ERBB4: variants seen among roughly 807,000 people sequenced by gnomAD.
The protein encoded by ERBB4 is receptor tyrosine-protein kinase erbB-4.
A neutral mutation model predicts 158.0 loss-of-function variants in ERBB4; 42 were observed. The observed-to-expected ratio is 0.27, with a 90% CI of 0.21 to 0.34. The LOEUF is 0.34. Among genes scored for constraint, ERBB4 ranks in the 10% least tolerant of loss-of-function variants. The pLI is 1.00. For missense variants in ERBB4, 1,333 were observed against 1,624.1 expected (o/e 0.82, Z 3.08); for synonymous variants, 583 against 558.7 (o/e 1.04, Z -0.61).
intron 19 of ERBB4, among the ~76,000 whole-genome samples, chr2:211,569,986 T>C (rs1422747673): frequency 6.6e-6 from 1 of 152,170 alleles, no homozygotes; most frequent in East Asian, 1.9e-4. Flanking sequence ...ATGTTTCCAT[T>C]TTGCTGCTCT....
chr2:212,292,517 A>T (rs2086245385), intron 1 of ERBB4, among the ~76,000 whole-genome samples: 2 of 152,038 alleles, frequency 1.3e-5, no homozygotes, highest in African/African-American at 4.8e-5. Context: ...TGACATAATC[A>T]AGGATGCCTT....
At chr2:212,077,248 G>A (rs542036621) in intron 2 of ERBB4, among the ~76,000 whole-genome samples, 34 of 151,948 alleles carry the variant, frequency 2.2e-4, no homozygotes, top group African/African-American at 7.2e-4. Context: ...TTTAACTTAC[G>A]TATATTCGAT....
chr2:211,770,435 G>C lies in ERBB4; in HGVS notation c.556+17590C>G, dbSNP rs150891765. 3.4e-3 allele frequency among the ~76,000 whole-genome samples: 516 copies of C among 152,250 alleles called. 5 individuals are homozygous for C. Among genetic ancestry groups the C allele is most frequent in the African/African-American group, 0.012 (491 of 41,554 alleles). ...TTAGGAGTTACTACTTCGAAGAAAAGTTAATTATTCAAATTGCTTTGTCTT... is the reference window on the plus strand; with the variant it reads ...TTAGGAGTTACTACTTCGAAGAAAACTTAATTATTCAAATTGCTTTGTCTT... On this transcript the variant is annotated intron_variant, in intron 4 of 27. Transcript: ENST00000342788.
intron 3 of ERBB4, among the ~76,000 whole-genome samples, chr2:211,933,842 G>T (rs2080240475): frequency 6.6e-6 from 1 of 151,942 alleles, no homozygotes; most frequent in East Asian, 1.9e-4. Context: ...AATAGATTAA[G>T]AGATTTTTAT....
chr2:212,450,289 T>A (rs754018180), intron 1 of ERBB4, among the ~76,000 whole-genome samples: 1 of 152,188 alleles, frequency 6.6e-6, no homozygotes, highest in Non-Finnish European at 1.5e-5. Flanking sequence ...TATATTAACT[T>A]ACATGGCAAT....
intron 12 of ERBB4, among the ~76,000 whole-genome samples, chr2:211,682,991 T>C (rs1389459353): frequency 2.0e-5 from 3 of 151,858 alleles, no homozygotes. Flanking sequence ...AAATTGATTA[T>C]TAAAATGATT....
intron 9 of ERBB4, among the ~76,000 whole-genome samples, chr2:211,711,371 T>C (rs1231712905): frequency 2.0e-5 from 3 of 152,284 alleles, no homozygotes; most frequent in Admixed American, 1.3e-4. Context: ...AGTAGTAATA[T>C]AGACAAATAG....
chr2:212,393,137 T>C (rs574366462), intron 1 of ERBB4, among the ~76,000 whole-genome samples: 45 of 152,206 alleles, frequency 3.0e-4, no homozygotes, highest in African/African-American at 1.1e-3. Context: ...TACTTGGGCC[T>C]GTTCAAATTA....
At chr2:211,840,992 T>C (rs1274618084) in intron 3 of ERBB4, among the ~76,000 whole-genome samples, 1 of 152,088 alleles carries the variant, frequency 6.6e-6, no homozygotes, top group Non-Finnish European at 1.5e-5. Context: ...ACTAATGGCA[T>C]ATACCAATAT....
At chr2:211,957,706 G>C (rs1219109981) in intron 2 of ERBB4, among the ~76,000 whole-genome samples, 1 of 152,018 alleles carries the variant, frequency 6.6e-6, no homozygotes, top group Non-Finnish European at 1.5e-5. Flanking sequence ...TTGTTTTTCT[G>C]AATCCAGAAC....
intron 20 of ERBB4, among the ~76,000 whole-genome samples, chr2:211,479,553 G>A (rs979018823): frequency 3.9e-5 from 6 of 152,098 alleles, no homozygotes; most frequent in African/African-American, 1.2e-4. Flanking sequence ...TCTTATGTAC[G>A]AGAAATAAAA....
chr2:211,518,799 T>G (rs1011050129), intron 20 of ERBB4, among the ~76,000 whole-genome samples: 7 of 152,122 alleles, frequency 4.6e-5, no homozygotes, highest in Non-Finnish European at 1.0e-4. Context: ...TGGCCATAAT[T>G]ATTGAATGAA....
At chr2:211,727,296 C>T (rs1052451324) in intron 5 of ERBB4, among the ~76,000 whole-genome samples, 3 of 152,072 alleles carry the variant, frequency 2.0e-5, no homozygotes, top group Admixed American at 2.0e-4. Context: ...ATTAACAGTG[C>T]TCATCAACTT....
intron 1 of ERBB4, among the ~76,000 whole-genome samples, chr2:212,469,945 C>T (rs770068685): frequency 5.9e-5 from 9 of 152,122 alleles, no homozygotes; most frequent in Non-Finnish European, 1.0e-4. Flanking sequence ...ATTATTAATA[C>T]TGTATTATTC....
chr2:211,721,620 C>CATATATATATAT lies in ERBB4; in HGVS notation c.883+761_883+772dup, dbSNP rs71054137. 6.4e-4 allele frequency among the ~76,000 whole-genome samples: 84 copies of CATATATATATAT among 131,886 alleles called. 2 individuals are homozygous for CATATATATATAT. The highest frequency in any genetic ancestry group is 1.7e-3 in the African/African-American group (56 of 32,090). The allele number at this position is 131,886 out of a possible 152,430, so 86.5% of individuals were successfully genotyped here. A position where few individuals can be genotyped will look rare whatever the true frequency, so the allele number is the denominator to read the frequency against. ...TATTTAAGGTTAATTTGCTATTAAA[C>CATATATATATAT]ATATATATATATATATATATATATA... On this transcript the variant is annotated intron_variant, in intron 7 of 27. Transcript: ENST00000342788.
chr2:211,433,722 T>C (rs769841464), intron 20 of ERBB4, among the ~76,000 whole-genome samples: 2 of 152,130 alleles, frequency 1.3e-5, no homozygotes, highest in Non-Finnish European at 2.9e-5. Flanking sequence ...AGAAGCAAGG[T>C]GATGTAAAAT....
intron 20 of ERBB4, among the ~76,000 whole-genome samples, chr2:211,433,866 C>A (rs948934954): frequency 6.6e-6 from 1 of 152,124 alleles, no homozygotes; most frequent in African/African-American, 2.4e-5. Context: ...CAATCCGACC[C>A]CATTTTCCAA....
chr2:211,677,491 A>C (rs2072124218), intron 13 of ERBB4, among the ~76,000 whole-genome samples: 1 of 149,048 alleles, frequency 6.7e-6, no homozygotes, highest in South Asian at 2.2e-4. Flanking sequence ...TGAACCTGGG[A>C]GGTGGAGGTT....
At chr2:212,509,812 ACAGT>A (rs549911045) in intron 1 of ERBB4, among the ~76,000 whole-genome samples, 7 of 151,956 alleles carry the variant, frequency 4.6e-5, no homozygotes, top group Non-Finnish European at 7.4e-5. Context: ...TGTTGAACTT[ACAGT>A]CAGTTAGTTT....
Sources: allele counts gnomAD v4.1 joint callset (sites outside exome capture counted in the v4.1 genomes callset), GRCh38; gene constraint gnomAD v4.1.1; transcripts MANE v1.5; gene names NCBI Gene and HGNC (gene_info 2026-07-23, HGNC 2026-07-21).